The following GABRB2 variants were observed in gnomAD, a reference collection of about 807,000 sequenced individuals.
GABRB2 encodes gamma-aminobutyric acid type A receptor subunit beta2.
Under a neutral mutation model 54.7 loss-of-function variants are expected in GABRB2, and 16 were observed. The ratio of observed to expected loss-of-function variants is 0.29; its 90% CI spans 0.20 to 0.44. The LOEUF (loss-of-function observed/expected upper bound fraction) is 0.44. Among genes scored for constraint, GABRB2 ranks in the 20% least tolerant of loss-of-function variants. The pLI is 1.00. For missense variants in GABRB2, 355 were observed against 644.0 expected (o/e 0.55, Z 4.86); for synonymous variants, 244 against 233.8 (o/e 1.04, Z -0.40).
intron 5 of GABRB2, among the ~76,000 whole-genome samples, chr5:161,342,713 C>T (rs554292783): frequency 6.6e-6 from 1 of 152,144 alleles, no homozygotes; most frequent in African/African-American, 2.4e-5. Context: ...TTTATGTCCC[C>T]TCAAAAGCCA....
intron 5 of GABRB2, 71 bp downstream of exon 5, chr5:161,410,904 C>G (rs1039501219): frequency 1.7e-6 from 2 of 1,188,054 alleles, no homozygotes; most frequent in African/African-American, 3.0e-5. Context: ...GGACATGAGC[C>G]AGGACTGGAG....
At chr5:161,412,742 T>G (rs959204919) in intron 4 of GABRB2, among the ~76,000 whole-genome samples, 2 of 152,154 alleles carry the variant, frequency 1.3e-5, no homozygotes, top group African/African-American at 4.8e-5. Flanking sequence ...CTCCCTGATC[T>G]TTATAGAGCC....
rs1244129432 is a variant in GABRB2, at chr5:161,546,686, G to A, written c.-43C>T. ...GAATTGAGGGTTTCACTGAAGAGAGGAGATCCAACTTAGTCTGCCCAGTGC... is the reference window on the plus strand; with the variant it reads ...GAATTGAGGGTTTCACTGAAGAGAGAAGATCCAACTTAGTCTGCCCAGTGC... On this transcript the variant is annotated 5_prime_UTR_variant, in exon 1 of 10. Transcript: ENST00000393959. 1.3e-5 allele frequency: 21 copies of A among 1,558,978 alleles called. No homozygotes were observed. The highest frequency in any genetic ancestry group is 5.8e-5 in the Admixed American group (3 of 51,540).
chr5:161,500,060 T>G (rs1455876575), intron 3 of GABRB2, among the ~76,000 whole-genome samples: 1 of 152,180 alleles, frequency 6.6e-6, no homozygotes, highest in Non-Finnish European at 1.5e-5. Context: ...GAATTTTAGC[T>G]TTAAAAATAA....
At chr5:161,301,081 G>A (rs138022512) in intron 9 of GABRB2, among the ~76,000 whole-genome samples, 47 of 152,298 alleles carry the variant, frequency 3.1e-4, no homozygotes, top group African/African-American at 1.0e-3. Flanking sequence ...ATTAGGGATA[G>A]TTAGCAATTG....
At chr5:161,515,275 A>T (rs1020691255) in intron 3 of GABRB2, among the ~76,000 whole-genome samples, 5 of 151,328 alleles carry the variant, frequency 3.3e-5, no homozygotes, top group African/African-American at 9.8e-5. Flanking sequence ...GGGAATTAGA[A>T]TTTTTTAAAA....
intron 4 of GABRB2, among the ~76,000 whole-genome samples, chr5:161,448,064 G>A (rs1757685881): frequency 1.3e-5 from 2 of 152,130 alleles, no homozygotes; most frequent in South Asian, 4.1e-4. Context: ...TGATGTTTGT[G>A]CAGCCTTGAA....
intron 3 of GABRB2, among the ~76,000 whole-genome samples, chr5:161,541,597 G>A (rs962794873): frequency 6.6e-6 from 1 of 152,216 alleles, no homozygotes. Flanking sequence ...ATGTTATGAA[G>A]ACAGCTTGTT....
intron 9 of GABRB2, 65 bp downstream of exon 9, chr5:161,326,303 G>A (rs1758358849): frequency 1.9e-6 from 3 of 1,596,794 alleles, no homozygotes; most frequent in Non-Finnish European, 2.6e-6. Context: ...TTTTTTAAGG[G>A]AACAGCTAAA....
chr5:161,339,109 T>C (rs920311842), intron 5 of GABRB2, among the ~76,000 whole-genome samples: 3 of 152,130 alleles, frequency 2.0e-5, no homozygotes, highest in African/African-American at 7.2e-5. Context: ...ATCCTACCTT[T>C]GATAAACCAG....
chr5:161,460,724 T>C (rs1758099996), intron 3 of GABRB2, among the ~76,000 whole-genome samples: 1 of 152,022 alleles, frequency 6.6e-6, no homozygotes, highest in African/African-American at 2.4e-5. Flanking sequence ...GAGATGAAAG[T>C]GGTAAACAAG....
At chr5:161,522,649 C>T (rs1760151943) in intron 3 of GABRB2, among the ~76,000 whole-genome samples, 2 of 151,282 alleles carry the variant, frequency 1.3e-5, no homozygotes, top group Admixed American at 1.3e-4. Flanking sequence ...TATATCAACC[C>T]CTTCCTTTCT....
At chr5:161,419,180 T>C (rs1356316174) in intron 4 of GABRB2, among the ~76,000 whole-genome samples, 2 of 152,092 alleles carry the variant, frequency 1.3e-5, no homozygotes, top group African/African-American at 4.8e-5. Flanking sequence ...AAATAAGCCA[T>C]ACAAGTGGTC....
At chr5:161,317,428 G>A (rs1404063136) in intron 9 of GABRB2, among the ~76,000 whole-genome samples, 1 of 152,178 alleles carries the variant, frequency 6.6e-6, no homozygotes, top group African/African-American at 2.4e-5. Flanking sequence ...TCTAAAATAA[G>A]TGAATGATGC....
chr5:161,459,402 C>A lies in GABRB2; in HGVS notation c.458+222G>T, dbSNP rs1418972346. The A allele has an allele frequency of 5.3e-6, 3 of 565,838 alleles. No individual in the cohort carries two copies. In the African/African-American group the frequency reaches 5.6e-5, roughly 11 times the overall value. 35.1% of individuals were successfully genotyped at this position (565,838 alleles called of 1,614,324 possible). A position where few individuals can be genotyped will look rare whatever the true frequency, so the allele number is the denominator to read the frequency against. On this transcript the variant is annotated intron_variant, in intron 4 of 9. Coordinates refer to ENST00000393959, the MANE Select transcript of GABRB2 (RefSeq NM_001371727.1). ...AAGAAAGCAGCTTTAGGATCAGCAG[C>A]TGATATTGGAAGATAATTCAGAAAA...
At chr5:161,537,364 G>A (rs1462013787) in intron 3 of GABRB2, among the ~76,000 whole-genome samples, 4 of 151,562 alleles carry the variant, frequency 2.6e-5, no homozygotes, top group Non-Finnish European at 4.4e-5. Context: ...TTTTCCAATC[G>A]CCTGCTGGTT....
At chr5:161,419,768 T>C (rs1321798369) in intron 4 of GABRB2, among the ~76,000 whole-genome samples, 1 of 152,148 alleles carries the variant, frequency 6.6e-6, no homozygotes, top group Non-Finnish European at 1.5e-5. Flanking sequence ...TGTGTACACA[T>C]GTACCTACAA....
At chr5:161,323,240 C>G (rs1009696100) in intron 9 of GABRB2, among the ~76,000 whole-genome samples, 1 of 152,110 alleles carries the variant, frequency 6.6e-6, no homozygotes, top group Non-Finnish European at 1.5e-5. Flanking sequence ...CCAGACTGGT[C>G]TAGAACTCCC....
chr5:161,436,413 A>G (rs1009429353), intron 4 of GABRB2, among the ~76,000 whole-genome samples: 1 of 151,868 alleles, frequency 6.6e-6, no homozygotes, highest in African/African-American at 2.4e-5. Flanking sequence ...CACATCTGTA[A>G]TCCCAGCTAC....
Sources: gnomAD v4.1 joint callset for allele counts (sites outside exome capture counted in the v4.1 genomes callset) on GRCh38, gnomAD v4.1.1 for gene constraint, MANE v1.5 for transcripts, NCBI Gene and HGNC (gene_info 2026-07-23, HGNC 2026-07-21) for gene names.